The following TRPC4AP variants were observed in gnomAD, a reference collection of about 807,000 sequenced individuals.
TRPC4AP encodes short transient receptor potential channel 4-associated protein.
A neutral mutation model predicts 99.0 loss-of-function variants in TRPC4AP; 45 were observed. The ratio of observed to expected loss-of-function variants is 0.45; its 90% CI spans 0.36 to 0.58. The LOEUF (loss-of-function observed/expected upper bound fraction) is 0.58. Ranked by LOEUF, TRPC4AP falls within the 20% of genes least tolerant of loss-of-function variation. The pLI is 0.00. For synonymous variants in TRPC4AP, 408 were observed against 385.8 expected (o/e 1.06, Z -0.67); for missense variants, 879 against 985.3 (o/e 0.89, Z 1.44).
intron 2 of TRPC4AP, among the ~76,000 whole-genome samples, chr20:35,071,661 T>C (rs1347006064): frequency 6.6e-6 from 1 of 152,144 alleles, no homozygotes; most frequent in African/African-American, 2.4e-5. Context: ...ATGTGCCACA[T>C]TTTCTTAATC....
At chr20:35,046,874 G>A (rs6142282) in intron 6 of TRPC4AP, among the ~76,000 whole-genome samples, 1 of 151,774 alleles carries the variant, frequency 6.6e-6, no homozygotes, top group Admixed American at 6.6e-5. Context: ...TAAATTTTAA[G>A]ATTTTTTTTT....
chr20:35,037,851 A>G (rs1354014741), intron 7 of TRPC4AP, among the ~76,000 whole-genome samples: 1 of 152,176 alleles, frequency 6.6e-6, no homozygotes, highest in Non-Finnish European at 1.5e-5. Flanking sequence ...TAGTACAGAA[A>G]CATGCTGTAC....
At chr20:35,059,009 G>A (rs774878624) in intron 3 of TRPC4AP, among the ~76,000 whole-genome samples, 11 of 152,034 alleles carry the variant, frequency 7.2e-5, no homozygotes, top group South Asian at 2.1e-4. Flanking sequence ...GTTTCTAATC[G>A]ATAACCTAAT....
intron 13 of TRPC4AP, 106 bp from the exon 14 acceptor site, chr20:35,007,746 A>G (rs1428656581): frequency 8.0e-6 from 9 of 1,130,834 alleles, no homozygotes; most frequent in African/African-American, 4.6e-5. Context: ...TGTACTCAAC[A>G]TTTACTGAAC....
intron 7 of TRPC4AP, among the ~76,000 whole-genome samples, chr20:35,041,497 C>T (rs959809061): frequency 1.3e-5 from 2 of 152,194 alleles, no homozygotes; most frequent in Admixed American, 1.3e-4. Context: ...GCTAGTCACA[C>T]AGATATGAAA....
chr20:35,034,725 C>T (rs1372098126), intron 8 of TRPC4AP, among the ~76,000 whole-genome samples: 1 of 152,120 alleles, frequency 6.6e-6, no homozygotes. Flanking sequence ...ATTTAATAGG[C>T]AGTCTTCTGC....
intron 12 of TRPC4AP, among the ~76,000 whole-genome samples, chr20:35,009,777 G>A (rs2082591881): frequency 6.6e-6 from 1 of 152,256 alleles, no homozygotes; most frequent in Non-Finnish European, 1.5e-5. Context: ...ACCTAACCCA[G>A]GTAATGCAAC....
At chr20:35,057,162 T>C (rs1347481700) in intron 4 of TRPC4AP, among the ~76,000 whole-genome samples, 2 of 152,080 alleles carry the variant, frequency 1.3e-5, no homozygotes, top group Non-Finnish European at 2.9e-5. Context: ...ACAAAGAGCA[T>C]GTATCACCTT....
At chr20:35,013,309 G>C (rs1056733932) in intron 10 of TRPC4AP, among the ~76,000 whole-genome samples, 3 of 152,184 alleles carry the variant, frequency 2.0e-5, no homozygotes, top group Non-Finnish European at 4.4e-5. Flanking sequence ...GGCGGGGCGT[G>C]GTGGTTACAC....
intron 3 of TRPC4AP, among the ~76,000 whole-genome samples, chr20:35,058,147 A>C (rs2083887589): frequency 6.6e-6 from 1 of 152,240 alleles, no homozygotes; most frequent in Admixed American, 6.5e-5. Context: ...TGTACCTAAC[A>C]ATAGAGCCCA....
chr20:35,017,323 G>A (rs974809189), intron 9 of TRPC4AP, among the ~76,000 whole-genome samples: 5 of 152,158 alleles, frequency 3.3e-5, no homozygotes, highest in Admixed American at 1.3e-4. Context: ...AATGTCTCTA[G>A]AAGGATACAC....
At chr20:35,061,330 G>A (rs2104083) in intron 3 of TRPC4AP, among the ~76,000 whole-genome samples, 60,238 of 152,026 alleles carry the variant, frequency 0.4, 13,056 homozygotes, top group East Asian at 0.59. Context: ...AGAAATTAAA[G>A]ACAATCTAAA....
At chr20:35,092,487 G>A in intron 1 of TRPC4AP, 127 bp downstream of exon 1, 6 of 1,146,358 alleles carry the variant, frequency 5.2e-6, no homozygotes, top group Non-Finnish European at 5.8e-6. Flanking sequence ...AGCTCACAGG[G>A]AGGCCTTCCG....
intron 6 of TRPC4AP, among the ~76,000 whole-genome samples, chr20:35,049,547 GAACTTGCCCC>G (rs909259850): frequency 6.6e-6 from 1 of 152,154 alleles, no homozygotes; most frequent in African/African-American, 2.4e-5. Context: ...ATGCTACAAA[GAACTTGCCCC>G]AACGGTGATG....
At chr20:35,008,634 G>T (rs1476359950) in intron 13 of TRPC4AP, 30 bp downstream of exon 13, 2 of 1,602,752 alleles carry the variant, frequency 1.2e-6, no homozygotes, top group Non-Finnish European at 1.7e-6. Flanking sequence ...CAGCCCCGCA[G>T]AATCGGCAGG....
intron 1 of TRPC4AP, among the ~76,000 whole-genome samples, chr20:35,090,788 T>G (rs1406753104): frequency 6.6e-6 from 1 of 152,228 alleles, no homozygotes; most frequent in South Asian, 2.1e-4. Flanking sequence ...CTCCCTATTA[T>G]TCTCAGAACA....
chr20:35,092,447 C>T (rs1360928908), intron 1 of TRPC4AP, among the ~76,000 whole-genome samples, 167 bp downstream of exon 1: 1 of 152,246 alleles, frequency 6.6e-6, no homozygotes, highest in East Asian at 1.9e-4. Context: ...CTGCTTCCCA[C>T]GGCCCCGCTG....
intron 3 of TRPC4AP, among the ~76,000 whole-genome samples, chr20:35,060,549 T>C (rs1306237484): frequency 8.0e-6 from 1 of 125,366 alleles, no homozygotes; most frequent in East Asian, 2.4e-4. Context: ...ATCACACCAC[T>C]GCATTCCAGC....
intron 8 of TRPC4AP, among the ~76,000 whole-genome samples, chr20:35,024,032 C>G (rs1457053944): frequency 6.6e-6 from 1 of 152,174 alleles, no homozygotes; most frequent in Non-Finnish European, 1.5e-5. Context: ...GCTCACGAGG[C>G]CTGTGCTCCC....
Sources: allele counts gnomAD v4.1 joint callset (sites outside exome capture counted in the v4.1 genomes callset), GRCh38; gene constraint gnomAD v4.1.1; transcripts MANE v1.5; gene names NCBI Gene and HGNC (gene_info 2026-07-23, HGNC 2026-07-21).